The following MANBAL variants were observed in gnomAD, a reference collection of about 807,000 sequenced individuals.
The protein encoded by MANBAL is mannosidase beta like.
Under a neutral mutation model 6.4 loss-of-function variants are expected in MANBAL, and 1 was observed. That is an observed-to-expected ratio of 0.16 (90% CI 0.06 to 0.74). The LOEUF (loss-of-function observed/expected upper bound fraction) is 0.74. Ranked by LOEUF, MANBAL falls within the 30% of genes least tolerant of loss-of-function variation. MANBAL has a pLI of 0.78. For synonymous variants in MANBAL, 47 were observed against 45.8 expected (o/e 1.03, Z -0.10); for missense variants, 100 against 107.8 (o/e 0.93, Z 0.32).
At chr20:37,308,422 T>C (rs1016102051) in intron 2 of MANBAL, among the ~76,000 whole-genome samples, 2 of 151,930 alleles carry the variant, frequency 1.3e-5, no homozygotes, top group East Asian at 1.9e-4. Flanking sequence ...CTGGAGAGGA[T>C]TGGGGAAAGC....
chr20:37,316,103 TC>T (rs1184983483), intron 2 of MANBAL, among the ~76,000 whole-genome samples: 1 of 152,160 alleles, frequency 6.6e-6, no homozygotes, highest in Admixed American at 6.5e-5. Context: ...AGCTGCTCCC[TC>T]CCCGTGGGGC....
In MANBAL at chr20:37,301,387, G is replaced by T. The variant is rs777773368; in HGVS notation, c.124G>T (p.Val42Leu). Reference sequence around the variant, plus strand: ...GCTCATCTGTGTGCTGGCCATCATCGTACCCATTCCCAAGTCCCACGAGGC... The same window carrying T: ...GCTCATCTGTGTGCTGGCCATCATCTTACCCATTCCCAAGTCCCACGAGGC... ...FQLICVLAII[V>L]PIPKSHEAEA... is the part of the protein sequence containing the mutation. The change falls in exon 2 of 3, where the codon GTA becomes TTA. Residue 42 changes from valine (V) to leucine (L), a missense_variant. Val to Leu is a conservative substitution (Grantham distance 32). Coordinates refer to ENST00000373606, the MANE Select transcript of MANBAL (RefSeq NM_001003897.2). 1.2e-5 allele frequency: 20 copies of T among 1,612,368 alleles called. No individual in the cohort carries two copies. The highest frequency in any genetic ancestry group is 1.6e-5 in the Non-Finnish European group (19 of 1,179,016).
chr20:37,291,795 C>T (rs927579668), intron 1 of MANBAL, among the ~76,000 whole-genome samples: 3 of 152,222 alleles, frequency 2.0e-5, no homozygotes, highest in African/African-American at 4.8e-5. Context: ...TTCCCCTGCA[C>T]ACACTCTCTT....
Position 37,316,443 on chromosome 20 carries a change from C to T in MANBAL, c.*28C>T. 1 of 1,595,010 alleles carries T rather than the reference C, an allele frequency of 6.3e-7. No individual in the cohort carries two copies. The stretch of plus-strand genomic sequence containing the variant: ...GAGGAGGCCTGAGGAGCTGGGCGGG[C>T]AGGGAGAGGGTCTTGGGGACAGCCC... On this transcript the variant is annotated 3_prime_UTR_variant, in exon 3 of 3. Transcript: ENST00000373606.
At chr20:37,293,995 C>T (rs2068933804) in intron 1 of MANBAL, among the ~76,000 whole-genome samples, 1 of 152,200 alleles carries the variant, frequency 6.6e-6, no homozygotes, top group South Asian at 2.1e-4. Context: ...CTATGTTGCC[C>T]AAGCTGGTCG....
chr20:37,297,494 C>T (rs1339487464), intron 1 of MANBAL: 1 of 152,194 alleles, frequency 6.6e-6, no homozygotes, highest in Admixed American at 6.5e-5. Flanking sequence ...GGCACATGAC[C>T]TTCTGAAGTG....
At chr20:37,315,311 G>A (rs752046828) in intron 2 of MANBAL, among the ~76,000 whole-genome samples, 1 of 152,208 alleles carries the variant, frequency 6.6e-6, no homozygotes, top group South Asian at 2.1e-4. Context: ...TGTGGTTGGC[G>A]TTCTCTGGGC....
chr20:37,293,064 C>T (rs2068910182), intron 1 of MANBAL, among the ~76,000 whole-genome samples: 1 of 152,206 alleles, frequency 6.6e-6, no homozygotes, highest in Non-Finnish European at 1.5e-5. Flanking sequence ...TCCATGACTG[C>T]ATGGATTGTT....
At chr20:37,307,275 A>AT (rs561480617) in intron 2 of MANBAL, among the ~76,000 whole-genome samples, 2 of 152,206 alleles carry the variant, frequency 1.3e-5, no homozygotes, top group Non-Finnish European at 2.9e-5. Flanking sequence ...TTGGATCAGT[A>AT]TTTTTTTAAA....
chr20:37,307,512 C>T (rs996845235), intron 2 of MANBAL, among the ~76,000 whole-genome samples: 2 of 151,852 alleles, frequency 1.3e-5, no homozygotes, highest in Non-Finnish European at 2.9e-5. Context: ...AAACCCAGCA[C>T]GTGGGAGGCT....
chr20:37,316,177 A>G, intron 2 of MANBAL, 131 bp from the exon 3 acceptor site: 1 of 774,868 alleles, frequency 1.3e-6, no homozygotes, highest in Non-Finnish European at 2.1e-6. Flanking sequence ...TGTGGGTGGT[A>G]GGTCCCGGGA....
chr20:37,315,011 C>A lies in MANBAL; in HGVS notation c.151-1297C>A, dbSNP rs1197697437. ...TGTCCCCCCTCCCAGGAGTCTTAGT[C>A]TGCTTCTTATTTTCCCATTTCTCAA... On this transcript the variant is annotated intron_variant, in intron 2 of 2. Coordinates refer to ENST00000373606, the MANE Select transcript of MANBAL (RefSeq NM_001003897.2). 2.0e-5 allele frequency among the ~76,000 whole-genome samples: 3 copies of A among 152,046 alleles called. No individual in the cohort carries two copies. The East Asian group carries it at 5.8e-4, about 29-fold the overall frequency.
intron 2 of MANBAL, among the ~76,000 whole-genome samples, chr20:37,312,977 G>A (rs191441331): frequency 1.3e-5 from 2 of 152,342 alleles, no homozygotes; most frequent in African/African-American, 4.8e-5. Flanking sequence ...GTTACTGGGA[G>A]ACCTTGGCTG....
In MANBAL at chr20:37,289,884, G is replaced by A. The variant is rs540171193; in HGVS notation, c.-57+198G>A. 3.9e-5 allele frequency among the ~76,000 whole-genome samples: 6 copies of A among 152,364 alleles called. No homozygotes were observed. The South Asian group carries it at 1.0e-3, about 26-fold the overall frequency. ...GAGGGGAATTTGAGCCCCCCGGGAG[G>A]CGGAGGGCCTCGCCTGGGGCAGCCC... On this transcript the variant is annotated intron_variant, in intron 1 of 2. Transcript: ENST00000373606.
chr20:37,312,109 CTG>C (rs2069403731), intron 2 of MANBAL, among the ~76,000 whole-genome samples: 1 of 152,210 alleles, frequency 6.6e-6, no homozygotes, highest in Middle Eastern at 3.4e-3. Context: ...AGGAGGAGGT[CTG>C]GGGTGAGGAG....
chr20:37,307,784 A>T (rs2069291365), intron 2 of MANBAL, among the ~76,000 whole-genome samples: 1 of 152,104 alleles, frequency 6.6e-6, no homozygotes, highest in African/African-American at 2.4e-5. Flanking sequence ...AACCAAACAA[A>T]TACAGCATTA....
intron 2 of MANBAL, among the ~76,000 whole-genome samples, chr20:37,304,629 A>G (rs1039110668): frequency 1.3e-5 from 2 of 152,196 alleles, no homozygotes; most frequent in East Asian, 1.9e-4. Flanking sequence ...TATATCTTGG[A>G]TATCACTGTT....
At chr20:37,295,087 C>T (rs1311876627) in intron 1 of MANBAL, among the ~76,000 whole-genome samples, 1 of 152,202 alleles carries the variant, frequency 6.6e-6, no homozygotes, top group Non-Finnish European at 1.5e-5. Context: ...GATAGCAGCT[C>T]TGCCCTGACT....
intron 1 of MANBAL, among the ~76,000 whole-genome samples, chr20:37,293,491 T>A (rs1046937643): frequency 6.6e-6 from 1 of 152,156 alleles, no homozygotes. Context: ...GGGGAGCGGC[T>A]GTAAATATAA....
Sources: allele counts gnomAD v4.1 joint callset (sites outside exome capture counted in the v4.1 genomes callset), GRCh38; gene constraint gnomAD v4.1.1; transcripts MANE v1.5; gene names NCBI Gene and HGNC (gene_info 2026-07-23, HGNC 2026-07-21).